The following PFKFB3 variants were observed in gnomAD, a reference collection of about 807,000 sequenced individuals.
The protein encoded by PFKFB3 is 6-phosphofructo-2-kinase/fructose-2,6-biphosphatase 3.
PFKFB3 carries 33 observed loss-of-function variants against 68.0 expected under a neutral mutation model. That is an observed-to-expected ratio of 0.49 (90% CI 0.37 to 0.65). PFKFB3 has a LOEUF of 0.65. Among genes scored for constraint, PFKFB3 ranks in the 30% least tolerant of loss-of-function variants. PFKFB3 has a pLI of 0.00. For synonymous variants in PFKFB3, 315 were observed against 288.2 expected (o/e 1.09, Z -0.94); for missense variants, 586 against 712.2 (o/e 0.82, Z 2.02).
Position 6,228,164 on chromosome 10 carries a change from G to A in PFKFB3, c.1515+1799G>A. 6.2e-7 allele frequency: 1 copy of A among 1,612,670 alleles called. No individual in the cohort carries two copies. The highest frequency in any genetic ancestry group is 2.2e-5 in the East Asian group (1 of 44,880). On this transcript the variant is annotated intron_variant, in intron 14 of 14. Transcript: ENST00000379775. The surrounding 1 kb of genome is among the most constrained non-coding windows in gnomAD (Gnocchi z 4.5). ...CCCTGCAGATTGCGCCCTGCCTCCTGACTGACTTCTCTCTCTGCTTCTCCT... is the reference window on the plus strand; with the variant it reads ...CCCTGCAGATTGCGCCCTGCCTCCTAACTGACTTCTCTCTCTGCTTCTCCT...
chr10:6,144,937 G>C (rs1045373899), exon 1 of PFKFB3: 13 of 1,226,226 alleles, frequency 1.1e-5, no homozygotes, highest in Non-Finnish European at 1.2e-5. Flanking sequence ...CGGGGCTGCC[G>C]CTTGGACGTC....
At chr10:6,175,218 G>A (rs973647668) in intron 1 of PFKFB3, among the ~76,000 whole-genome samples, 114 of 152,292 alleles carry the variant, frequency 7.5e-4, no homozygotes, top group Non-Finnish European at 1.5e-4. Flanking sequence ...GAGAATATGA[G>A]GTTGTCATTT....
rs559282569 is a variant in PFKFB3, at chr10:6,207,435, G to A, written c.76+4099G>A. On this transcript the variant is annotated intron_variant, in intron 1 of 14. Coordinates refer to ENST00000379775, the MANE Select transcript of PFKFB3 (RefSeq NM_004566.4). ...ATCAGAGGGAGACCGTGGGGAGAGG[G>A]AGAGGGAGAGGGAGCTGGAGCTTAA... Among the ~76,000 whole-genome samples, 7 of 152,328 alleles carry A rather than the reference G, an allele frequency of 4.6e-5. No homozygotes were observed. The South Asian group carries it at 1.4e-3, about 32-fold the overall frequency.
At chr10:6,299,708 C>T in the PFKFB3 span, among the ~76,000 whole-genome samples, 117 of 152,306 alleles carry the variant, frequency 7.7e-4, 1 homozygote, top group Middle Eastern at 6.8e-3. Flanking sequence ...GTCTCCTGGG[C>T]TTAGAACCCC....
In PFKFB3 at chr10:6,203,103, T is replaced by C; in HGVS notation, c.-158T>C. The C allele has an allele frequency of 1.4e-6, 2 of 1,463,358 alleles. No homozygotes were observed. The highest frequency in any genetic ancestry group is 1.8e-6 in the Non-Finnish European group (2 of 1,111,724). 90.6% of individuals were successfully genotyped at this position (1,463,358 alleles called of 1,614,324 possible). A position where few individuals can be genotyped will look rare whatever the true frequency, so the allele number is the denominator to read the frequency against. On this transcript the variant is annotated 5_prime_UTR_variant, in exon 1 of 15. Coordinates refer to ENST00000379775, the MANE Select transcript of PFKFB3 (RefSeq NM_004566.4). Reference sequence around the variant, plus strand: ...CCCGCACAGGCGAGGGTCCGGAACTTAGCCCAAAGCACGTTTCCCCTGGCA... The same window carrying C: ...CCCGCACAGGCGAGGGTCCGGAACTCAGCCCAAAGCACGTTTCCCCTGGCA...
At chr10:6,145,033 G>T in intron 1 of PFKFB3, 1 of 1,329,672 alleles carries the variant, frequency 7.5e-7, no homozygotes. Flanking sequence ...CCGGTGACGC[G>T]GCCCACGCCC....
At chr10:6,283,008 C>T in the PFKFB3 span, among the ~76,000 whole-genome samples, 1 of 152,076 alleles carries the variant, frequency 6.6e-6, no homozygotes, top group Admixed American at 6.6e-5. Context: ...TCTTCTTGTC[C>T]AGGATGAAGT....
In PFKFB3 at chr10:6,224,142, C is replaced by T; in HGVS notation, c.1277-7C>T. On this transcript the variant is annotated splice_polypyrimidine_tract_variant and splice_region_variant and intron_variant, in intron 12 of 14. Transcript: ENST00000379775. ...AGCTTCCTCTGCCCCCATCCCACGCCCTCCAGGCTGCCGTGTGGAATCCAT... is the reference window on the plus strand; with the variant it reads ...AGCTTCCTCTGCCCCCATCCCACGCTCTCCAGGCTGCCGTGTGGAATCCAT... The T allele has an allele frequency of 1.9e-6, 3 of 1,614,234 alleles. No individual in the cohort carries two copies. Among genetic ancestry groups the T allele is most frequent in the South Asian group, 2.2e-5 (2 of 91,090 alleles).
intron 14 of PFKFB3, among the ~76,000 whole-genome samples, chr10:6,243,309 A>G (rs956646054): frequency 3.9e-5 from 6 of 152,240 alleles, no homozygotes; most frequent in African/African-American, 1.4e-4. Flanking sequence ...ATATTTTGTC[A>G]GTTCTGAGAT....
At chr10:6,218,056 G>C (rs1433645443) in intron 6 of PFKFB3, among the ~76,000 whole-genome samples, 1 of 152,202 alleles carries the variant, frequency 6.6e-6, no homozygotes, top group East Asian at 1.9e-4. Flanking sequence ...AGGGCTATTT[G>C]AATTGTGAAA....
chr10:6,231,310 G>A (rs1336264831), intron 14 of PFKFB3: 4 of 1,612,156 alleles, frequency 2.5e-6, no homozygotes, highest in Non-Finnish European at 3.4e-6. Flanking sequence ...TACTAACTGT[G>A]GAAGGTAAAT....
intron 13 of PFKFB3, 127 bp from the exon 14 acceptor site, chr10:6,226,065 G>A (rs539573280): frequency 1.2e-5 from 10 of 822,558 alleles, no homozygotes; most frequent in East Asian, 2.7e-5. Flanking sequence ...CCGTGGTCCC[G>A]GCCACTCCCC....
chr10:6,206,334 G>C (rs1225219902), intron 1 of PFKFB3, among the ~76,000 whole-genome samples: 1 of 139,672 alleles, frequency 7.2e-6, no homozygotes, highest in Non-Finnish European at 1.5e-5. Flanking sequence ...AAAATGAAAA[G>C]TCTCCCATGT....
chr10:6,181,110 G>T (rs1842700900), intron 1 of PFKFB3, among the ~76,000 whole-genome samples: 2 of 152,168 alleles, frequency 1.3e-5, no homozygotes, highest in African/African-American at 4.8e-5. Context: ...AAACTCCTGG[G>T]CTCAAGCTAT....
At chr10:6,217,496 G>A (rs1001288730) in intron 6 of PFKFB3, among the ~76,000 whole-genome samples, 1 of 152,220 alleles carries the variant, frequency 6.6e-6, no homozygotes, top group East Asian at 1.9e-4. Context: ...TGGTGATGGA[G>A]CTGCTGGGGC....
intron 1 of PFKFB3, among the ~76,000 whole-genome samples, chr10:6,177,736 C>T (rs1266829422): frequency 6.6e-6 from 1 of 152,026 alleles, no homozygotes; most frequent in African/African-American, 2.4e-5. Context: ...CCATGTTAGG[C>T]TGGTCTCGAA....
At chr10:6,277,294 C>T in the PFKFB3 span, among the ~76,000 whole-genome samples, 6 of 151,634 alleles carry the variant, frequency 4.0e-5, no homozygotes, top group African/African-American at 9.7e-5. Context: ...AGTGCAGTGG[C>T]GCGATCTGGA....
At chr10:6,252,073 G>T (rs1846394014) in intron 14 of PFKFB3, among the ~76,000 whole-genome samples, 1 of 152,148 alleles carries the variant, frequency 6.6e-6, no homozygotes, top group Non-Finnish European at 1.5e-5. Flanking sequence ...TTAAAACCTG[G>T]ACACTTTGTC....
intron 11 of PFKFB3, 62 bp from the exon 12 acceptor site, chr10:6,223,896 C>T (rs542931804): frequency 2.3e-5 from 33 of 1,452,936 alleles, no homozygotes; most frequent in African/African-American, 9.7e-5. Flanking sequence ...GGATTACAGG[C>T]GTGAGCCACC....
Sources: allele counts gnomAD v4.1 joint callset (sites outside exome capture counted in the v4.1 genomes callset), GRCh38; gene constraint gnomAD v4.1.1; non-coding constraint Gnocchi (gnomAD v3.1); transcripts MANE v1.5; gene names NCBI Gene and HGNC (gene_info 2026-07-23, HGNC 2026-07-21).